The following DHRSX variants were observed in gnomAD, a reference collection of about 807,000 sequenced individuals.
DHRSX encodes the protein dehydrogenase/reductase X-linked, also known as polyprenol dehydrogenase.
In DHRSX, 31 loss-of-function variants were observed where a neutral mutation model predicts 34.0. The observed-to-expected ratio is 0.91, with a 90% CI of 0.69 to 1.23. DHRSX has a LOEUF of 1.23. Among genes scored for constraint, DHRSX ranks in the 50% most tolerant of loss-of-function variants. DHRSX has a pLI of 0.00. For missense variants in DHRSX, 414 were observed against 428.1 expected (o/e 0.97, Z 0.29); for synonymous variants, 201 against 183.8 (o/e 1.09, Z -0.76).
At chrX:2,489,287 CG>C (rs771753936) in intron 1 of DHRSX, 1 of 1,613,894 alleles carries the variant, frequency 6.2e-7, no homozygotes, top group African/African-American at 1.3e-5. Context: ...CCTCTTGTAG[CG>C]GGGGTCCAGG....
At chrX:2,297,905 G>A (rs1354331148) in intron 3 of DHRSX, among the ~76,000 whole-genome samples, 5 of 151,742 alleles carry the variant, frequency 3.3e-5, no homozygotes, top group East Asian at 1.9e-4. Flanking sequence ...ACAGGCACCC[G>A]CCACCACGCC....
intron 3 of DHRSX, among the ~76,000 whole-genome samples, chrX:2,322,472 G>A (rs1194215304): frequency 1.3e-5 from 2 of 151,052 alleles, no homozygotes; most frequent in Admixed American, 1.3e-4. Context: ...TCACTTGAAC[G>A]TGGGAGGCGT....
At chrX:2,225,195 AC>A (rs2015624463) in intron 6 of DHRSX, among the ~76,000 whole-genome samples, 1 of 150,892 alleles carries the variant, frequency 6.6e-6, no homozygotes. Context: ...ACACATGCAC[AC>A]ATTTGCATGC....
At chrX:2,364,810 T>C (rs1309018615) in intron 3 of DHRSX, among the ~76,000 whole-genome samples, 1 of 152,194 alleles carries the variant, frequency 6.6e-6, no homozygotes, top group East Asian at 1.9e-4. Flanking sequence ...CTACCTATCA[T>C]CTATTGACCA....
chrX:2,446,410 C>T (rs1208173804), intron 1 of DHRSX, among the ~76,000 whole-genome samples: 2 of 150,646 alleles, frequency 1.3e-5, no homozygotes, highest in Non-Finnish European at 3.0e-5. Flanking sequence ...ACACTGCAGA[C>T]GTTCCCTAAG....
chrX:2,490,041 ACAGG>A, intron 1 of DHRSX: 1 of 1,613,774 alleles, frequency 6.2e-7, no homozygotes, highest in African/African-American at 1.3e-5. Flanking sequence ...GAGCCCATGG[ACAGG>A]CAGTTGGGGG....
intron 5 of DHRSX, among the ~76,000 whole-genome samples, chrX:2,261,212 CA>C (rs1360581624): frequency 6.6e-6 from 1 of 150,862 alleles, no homozygotes; most frequent in Non-Finnish European, 1.5e-5. Flanking sequence ...TTGTCTCTTT[CA>C]AAAAATAAAA....
intron 5 of DHRSX, among the ~76,000 whole-genome samples, chrX:2,261,962 G>T (rs986205103): frequency 1.3e-5 from 2 of 152,134 alleles, no homozygotes; most frequent in Non-Finnish European, 2.9e-5. Flanking sequence ...CCCATGCCTT[G>T]CCTTGCTCAG....
intron 6 of DHRSX, among the ~76,000 whole-genome samples, chrX:2,232,107 T>G (rs2015908521): frequency 6.6e-6 from 1 of 151,360 alleles, no homozygotes; most frequent in Non-Finnish European, 1.5e-5. Context: ...CCTTTTTCTC[T>G]CTCTCCCTTC....
intron 3 of DHRSX, among the ~76,000 whole-genome samples, chrX:2,340,460 G>GTGTGTA (rs1556481487): frequency 1.1e-4 from 16 of 150,794 alleles, no homozygotes; most frequent in African/African-American, 3.4e-4. Context: ...GTGTGTGTGT[G>GTGTGTA]TATATATATA....
At chrX:2,441,527 C>A (rs1210474606) in intron 1 of DHRSX, among the ~76,000 whole-genome samples, 1 of 152,002 alleles carries the variant, frequency 6.6e-6, no homozygotes, top group Non-Finnish European at 1.5e-5. Context: ...GGGGGAGGGG[C>A]AAAACCAAAA....
intron 3 of DHRSX, among the ~76,000 whole-genome samples, chrX:2,298,068 A>G (rs73185768): frequency 0.34 from 51,919 of 151,780 alleles, 10,572 homozygotes; most frequent in Middle Eastern, 0.48. Context: ...GGGTTTTTAT[A>G]AGGAGGAGGA....
intron 2 of DHRSX, among the ~76,000 whole-genome samples, chrX:2,420,228 G>A (rs1187743678): frequency 6.6e-6 from 1 of 151,430 alleles, no homozygotes; most frequent in Non-Finnish European, 1.5e-5. Flanking sequence ...CCTACATGGT[G>A]AAACCCCCCC....
At chrX:2,293,842 G>C (rs1281308796) in intron 3 of DHRSX, among the ~76,000 whole-genome samples, 1 of 152,008 alleles carries the variant, frequency 6.6e-6, no homozygotes, top group African/African-American at 2.4e-5. Flanking sequence ...GTCTGCCTGT[G>C]CCCCCCATGT....
intron 2 of DHRSX, among the ~76,000 whole-genome samples, chrX:2,424,389 C>G (rs1283421694): frequency 5.9e-5 from 9 of 152,058 alleles, no homozygotes; most frequent in Admixed American, 4.6e-4. Context: ...TGTGAGGACA[C>G]AGGGAGAAGA....
intron 5 of DHRSX, among the ~76,000 whole-genome samples, chrX:2,256,315 G>A (rs1354097090): frequency 6.7e-6 from 1 of 149,010 alleles, no homozygotes; most frequent in African/African-American, 2.5e-5. Context: ...TTTTGAGAGG[G>A]AGTCTTGCTC....
chrX:2,277,466 AGG>A, intron 4 of DHRSX, among the ~76,000 whole-genome samples: 1 of 63,540 alleles, frequency 1.6e-5, no homozygotes, highest in African/African-American at 4.8e-5. Flanking sequence ...AGGGAGAGAG[AGG>A]GAGGGCAAAC....
At chrX:2,222,153 T>C (rs1360364551) in intron 6 of DHRSX, among the ~76,000 whole-genome samples, 1 of 152,206 alleles carries the variant, frequency 6.6e-6, no homozygotes, top group Non-Finnish European at 1.5e-5. Flanking sequence ...TCCAGAACTG[T>C]GAGCAACAAA....
intron 3 of DHRSX, among the ~76,000 whole-genome samples, chrX:2,370,146 C>T (rs2043039655): frequency 6.6e-6 from 1 of 151,682 alleles, no homozygotes; most frequent in African/African-American, 2.4e-5. Flanking sequence ...TCTACAAATG[C>T]ACCATTCCCC....
Sources: allele counts gnomAD v4.1 joint callset (sites outside exome capture counted in the v4.1 genomes callset), GRCh38; gene constraint gnomAD v4.1.1; transcripts MANE v1.5; gene names NCBI Gene and HGNC (gene_info 2026-07-23, HGNC 2026-07-21).